TBCK: variants seen among roughly 807,000 people sequenced by gnomAD.
TBCK encodes the protein TBC domain-containing protein kinase-like protein.
Under a neutral mutation model 113.4 loss-of-function variants are expected in TBCK, and 99 were observed. The ratio of observed to expected loss-of-function variants is 0.87; its 90% CI spans 0.74 to 1.03. The LOEUF is 1.03. TBCK is among the 50% of genes least tolerant of loss of function. The probability of loss-of-function intolerance (pLI) is 0.00; values close to 1 mark genes in which losing one functional copy is unlikely to be tolerated. For synonymous variants in TBCK, 369 were observed against 370.8 expected (o/e 1.00, Z 0.05); for missense variants, 1,045 against 1,061.3 (o/e 0.98, Z 0.21).
chr4:106,248,356 A>G, intron 8 of TBCK, 50 bp from the exon 9 acceptor site: 1 of 1,258,292 alleles, frequency 7.9e-7, no homozygotes, highest in African/African-American at 1.6e-5. Flanking sequence ...AATTTTAGAA[A>G]TATACTTTAT....
At chr4:106,084,438 T>C (rs906833755) in intron 25 of TBCK, among the ~76,000 whole-genome samples, 19 of 151,860 alleles carry the variant, frequency 1.3e-4, no homozygotes, top group Admixed American at 2.6e-4. Flanking sequence ...TGGGACTTAA[T>C]AAAAAGACTG....
At position 106,251,854 on chromosome 4, in the gene TBCK, C is replaced by A; in HGVS notation, c.597+12G>T. ...ATTTCCTTTTATTATATTAATATTTCTTTATACATACCACACAAAGCTCAA... is the reference window on the plus strand; with the variant it reads ...ATTTCCTTTTATTATATTAATATTTATTTATACATACCACACAAAGCTCAA... On this transcript the variant is annotated intron_variant, in intron 6 of 25. Coordinates refer to ENST00000394708, the MANE Select transcript of TBCK (RefSeq NM_001163435.3). 1.3e-6 allele frequency: 2 copies of A among 1,554,178 alleles called. No homozygotes were observed. Among genetic ancestry groups the A allele is most frequent in the Non-Finnish European group, 1.7e-6 (2 of 1,152,348 alleles).
intron 23 of TBCK, among the ~76,000 whole-genome samples, chr4:106,124,948 A>C (rs1744973614): frequency 6.6e-6 from 1 of 151,628 alleles, no homozygotes; most frequent in Admixed American, 6.6e-5. Context: ...ACATGTATAC[A>C]TATGTAACTA....
chr4:106,274,496 A>C (rs1489123499), intron 3 of TBCK, among the ~76,000 whole-genome samples: 1 of 152,222 alleles, frequency 6.6e-6, no homozygotes, highest in Non-Finnish European at 1.5e-5. Context: ...TTAGCAATAC[A>C]AATAAATGAA....
At chr4:106,247,546 T>C in intron 9 of TBCK, 1 of 318,498 alleles carries the variant, frequency 3.1e-6, no homozygotes, top group Non-Finnish European at 5.7e-6. Flanking sequence ...AGCTTCTGCA[T>C]TGTTTACTTT....
At chr4:106,084,798 A>G (rs1406750014) in intron 25 of TBCK, among the ~76,000 whole-genome samples, 2 of 152,232 alleles carry the variant, frequency 1.3e-5, no homozygotes, top group East Asian at 3.8e-4. Context: ...ACATTCTTAA[A>G]GAATTTTCAA....
intron 25 of TBCK, among the ~76,000 whole-genome samples, chr4:106,070,602 CTT>C (rs1737290589): frequency 6.6e-6 from 1 of 152,106 alleles, no homozygotes; most frequent in East Asian, 1.9e-4. Context: ...CTAAAATTCT[CTT>C]TTTTGTGTGT....
chr4:106,088,855 G>A (rs547960790), intron 25 of TBCK, among the ~76,000 whole-genome samples: 15 of 152,190 alleles, frequency 9.9e-5, no homozygotes, highest in African/African-American at 3.4e-4. Context: ...GCATGTTCTC[G>A]CTCACAAATG....
At chr4:106,289,261 C>G (rs1385969364) in intron 3 of TBCK, among the ~76,000 whole-genome samples, 1 of 152,096 alleles carries the variant, frequency 6.6e-6, no homozygotes, top group Non-Finnish European at 1.5e-5. Context: ...AAATGAAGTA[C>G]TACAGTACAA....
chr4:106,185,102 G>A (rs1222381997), intron 22 of TBCK, among the ~76,000 whole-genome samples: 1 of 152,000 alleles, frequency 6.6e-6, no homozygotes, highest in East Asian at 1.9e-4. Flanking sequence ...GTAGAACCTT[G>A]TTCCAAGTTC....
intron 25 of TBCK, among the ~76,000 whole-genome samples, chr4:106,057,609 C>G (rs1735579298): frequency 6.6e-6 from 1 of 151,612 alleles, no homozygotes; most frequent in Non-Finnish European, 1.5e-5. Flanking sequence ...GTTTCCTTTG[C>G]TTGAAATACT....
At chr4:106,291,906 G>C (rs1340475962) in intron 3 of TBCK, among the ~76,000 whole-genome samples, 1 of 152,210 alleles carries the variant, frequency 6.6e-6, no homozygotes. Context: ...AATTCAGACT[G>C]ATGAGTTGAC....
At chr4:106,122,393 A>C (rs558956803) in intron 23 of TBCK, among the ~76,000 whole-genome samples, 8 of 152,316 alleles carry the variant, frequency 5.3e-5, no homozygotes, top group African/African-American at 1.9e-4. Flanking sequence ...ATAGTTTACC[A>C]ACCAAGAAGA....
intron 19 of TBCK, among the ~76,000 whole-genome samples, chr4:106,228,344 T>TA (rs1758469583): frequency 6.7e-6 from 1 of 149,072 alleles, no homozygotes; most frequent in African/African-American, 2.5e-5. Flanking sequence ...TTTCGGTTAT[T>TA]TTTTTTTTTT....
At chr4:106,093,775 A>G (rs1316640152) in intron 25 of TBCK, among the ~76,000 whole-genome samples, 1 of 152,192 alleles carries the variant, frequency 6.6e-6, no homozygotes, top group Non-Finnish European at 1.5e-5. Flanking sequence ...ACAAATGCCT[A>G]TGACATGTTT....
chr4:106,124,856 TG>T (rs1250933030), intron 23 of TBCK, among the ~76,000 whole-genome samples: 2 of 142,574 alleles, frequency 1.4e-5, no homozygotes, highest in Admixed American at 7.2e-5. Context: ...TGTTGTGGGC[TG>T]GGGGGAGGGG....
At chr4:106,086,592 A>G (rs1343423557) in intron 25 of TBCK, among the ~76,000 whole-genome samples, 4 of 152,380 alleles carry the variant, frequency 2.6e-5, no homozygotes, top group African/African-American at 4.8e-5. Context: ...TGAAGCCAGC[A>G]TCATCCTGAT....
intron 19 of TBCK, among the ~76,000 whole-genome samples, chr4:106,220,478 C>G (rs1250548977): frequency 6.6e-6 from 1 of 152,020 alleles, no homozygotes; most frequent in African/African-American, 2.4e-5. Flanking sequence ...AGATATTTCC[C>G]TATAAGCAAA....
At chr4:106,116,508 G>C (rs1743526812) in intron 23 of TBCK, 130 bp from the exon 24 acceptor site, 2 of 801,364 alleles carry the variant, frequency 2.5e-6, no homozygotes, top group Non-Finnish European at 3.8e-6. Flanking sequence ...AATTTTCACA[G>C]TCTATTGTGT....
Sources: allele counts gnomAD v4.1 joint callset (sites outside exome capture counted in the v4.1 genomes callset), GRCh38; gene constraint gnomAD v4.1.1; transcripts MANE v1.5; gene names NCBI Gene and HGNC (gene_info 2026-07-23, HGNC 2026-07-21).